Variants in TNXB observed in about 807,000 individuals in gnomAD.
TNXB encodes tenascin-X.
TNXB carries 183 observed loss-of-function variants against 340.5 expected under a neutral mutation model. The ratio of observed to expected loss-of-function variants is 0.54; its 90% CI spans 0.48 to 0.61. The LOEUF (loss-of-function observed/expected upper bound fraction) is 0.61. TNXB is among the 20% of genes least tolerant of loss of function. The pLI, the probability that TNXB is intolerant of heterozygous loss-of-function variation, is 0.00. For synonymous variants in TNXB, 2,121 were observed against 2,314.5 expected (o/e 0.92, Z 2.40); for missense variants, 4,613 against 5,446.4 (o/e 0.85, Z 4.82).
rs770049252 is a variant in TNXB, at chr6:32,052,685, C to T, written c.9100G>A (p.Ala3034Thr). Residue 3034 changes from alanine (A) to threonine (T), a missense_variant, in exon 26 of 44, where the codon GCT becomes ACT. By Grantham distance (58) the Ala-to-Thr change is moderately conservative. Coordinates refer to ENST00000644971, the MANE Select transcript of TNXB (RefSeq NM_001365276.2). This position sits in a 1 kb window ranked among gnomAD's most constrained non-coding sequence, Gnocchi z 4.7. ...ACTTACTCACCTGTCACACCCACAG[C>T]GGACACTGGGCCCACGCGCTGCCCC... is the stretch of plus-strand genomic sequence containing the variant. ...HEGQRVGPVS[A>T]VGVTAPKDEA... 26 of 1,613,214 alleles carry T rather than the reference C, an allele frequency of 1.6e-5. No individual in the cohort carries two copies. The highest frequency in any genetic ancestry group is 2.2e-5 in the East Asian group (1 of 44,854).
Position 32,087,486 on chromosome 6 carries a change from G to T in TNXB, c.2779+1299C>A. The T allele has an allele frequency of 2.0e-6, 1 of 490,612 alleles. No homozygotes were observed. 30.4% of individuals were successfully genotyped at this position (490,612 alleles called of 1,614,324 possible). A position where few individuals can be genotyped will look rare whatever the true frequency, so the allele number is the denominator to read the frequency against. On this transcript the variant is annotated intron_variant, in intron 6 of 43. Coordinates refer to ENST00000644971, the MANE Select transcript of TNXB (RefSeq NM_001365276.2). The surrounding 1 kb of genome is among the most constrained non-coding windows in gnomAD (Gnocchi z 9.0). ...GAGACACGAGAAGCGCGCCATCGGCGGAACTGCCCAGCACCTCTGGCTTGG... is the reference window on the plus strand; with the variant it reads ...GAGACACGAGAAGCGCGCCATCGGCTGAACTGCCCAGCACCTCTGGCTTGG...
chr6:32,095,471 G>A, intron 3 of TNXB, 140 bp downstream of exon 3: 7 of 1,105,020 alleles, frequency 6.3e-6, no homozygotes, highest in Non-Finnish European at 9.0e-6. Context: ...CCACCCCTGT[G>A]GTTCTGCTGC....
Position 32,053,500 on chromosome 6 carries a change from G to A in TNXB, c.8679C>T (p.His2893=), listed in dbSNP as rs1478716332. The A allele has an allele frequency of 6.2e-6, 10 of 1,613,434 alleles. 2 individuals are homozygous for A. The East Asian group carries it at 1.1e-4, about 18-fold the overall frequency. Residue 2893 remains histidine, a synonymous_variant, in exon 25 of 44, where the codon CAC becomes CAT. Transcript: ENST00000644971. ...GGCCTGAGATGGTGACCCCGTCCTC[G>A]TGCCCCGGCACCCGCACCACCTTGG... The part of the protein sequence containing the change: ...GQPKVVRVPG[H]EDGVTISGLE...
In TNXB at chr6:32,069,177, C is replaced by G. The variant is rs1265380761; in HGVS notation, c.5588-41G>C. ...AGGTAGAGACAGATGGCTGGTGTGTCGCTGCACCCAGACTCTCAGGAGGAG... is the reference window on the plus strand; with the variant it reads ...AGGTAGAGACAGATGGCTGGTGTGTGGCTGCACCCAGACTCTCAGGAGGAG... On this transcript the variant is annotated intron_variant, in intron 15 of 43. Coordinates refer to ENST00000644971, the MANE Select transcript of TNXB (RefSeq NM_001365276.2). The surrounding 1 kb of genome is among the most constrained non-coding windows in gnomAD (Gnocchi z 6.2). 6.4e-7 allele frequency: 1 copy of G among 1,556,772 alleles called. No homozygotes were observed. The highest frequency in any genetic ancestry group is 1.2e-5 in the South Asian group (1 of 85,346).
At chr6:32,088,317 T>C (rs1199165754) in intron 6 of TNXB, among the ~76,000 whole-genome samples, 1 of 151,890 alleles carries the variant, frequency 6.6e-6, no homozygotes, top group Non-Finnish European at 1.5e-5. Context: ...AAAAGAAAAA[T>C]ATCCAGGTAT....
chr6:32,093,500 G>T, intron 4 of TNXB: 1 of 666,020 alleles, frequency 1.5e-6, no homozygotes, highest in South Asian at 1.6e-5. Context: ...GAGTGAGGAT[G>T]ACAGTTCCTC....
intron 1 of TNXB, among the ~76,000 whole-genome samples, chr6:32,103,899 T>G (rs1468715714): frequency 2.0e-5 from 3 of 152,044 alleles, no homozygotes; most frequent in African/African-American, 7.2e-5. Context: ...ACCTAGCTAA[T>G]TTTTTATTTT....
chr6:32,067,610 G>A lies in TNXB; in HGVS notation c.6544+51C>T, dbSNP rs1208651167. The A allele has an allele frequency of 1.3e-6, 2 of 1,585,406 alleles. No homozygotes were observed. The highest frequency in any genetic ancestry group is 1.1e-5 in the South Asian group (1 of 88,516). On this transcript the variant is annotated intron_variant, in intron 18 of 43. Transcript: ENST00000644971. This position sits in a 1 kb window ranked among gnomAD's most constrained non-coding sequence, Gnocchi z 4.2. The stretch of plus-strand genomic sequence containing the variant: ...GGTCCCTAGTGGAGGAGATGCTGGA[G>A]GCTGTACTTTGCTAAGACCCAACCC...
chr6:32,096,376 C>G lies in TNXB; in HGVS notation c.1477G>C (p.Gly493Arg). 2 of 1,560,448 alleles carry G rather than the reference C, an allele frequency of 1.3e-6. No individual in the cohort carries two copies. The highest frequency in any genetic ancestry group is 1.7e-6 in the Non-Finnish European group (2 of 1,160,354). ...CAGTCGCCAGGACAGGCGCGCGTGC[C>G]GCAGTCCCGGCCTGTGTACCCCGGC... ...CWPGYTGRDC[G>R]TRACPGDCRG... The change falls in exon 3 of 44, where the codon GGC becomes CGC. Residue 493 changes from glycine to arginine, a missense_variant. Transcript: ENST00000644971.
At chr6:32,065,148 C>T in intron 18 of TNXB, 31 bp from the exon 19 acceptor site, 1 of 1,507,788 alleles carries the variant, frequency 6.6e-7, no homozygotes, top group South Asian at 1.3e-5. Context: ...AATCTTTTCT[C>T]TTGCTGCAAG....
chr6:32,050,537 A>G (rs1189573200), intron 26 of TNXB, among the ~76,000 whole-genome samples: 1 of 63,070 alleles, frequency 1.6e-5, no homozygotes, highest in Non-Finnish European at 3.1e-5. Context: ...CCCAACACCC[A>G]GGCCACCTCT....
At position 32,073,642 on chromosome 6, in the gene TNXB, C is replaced by T. The variant is rs1778901007; in HGVS notation, c.4681+5G>A. 1.9e-6 allele frequency: 3 copies of T among 1,604,006 alleles called. No individual in the cohort carries two copies. The highest frequency in any genetic ancestry group is 2.6e-6 in the Non-Finnish European group (3 of 1,175,204). On this transcript the variant is annotated splice_donor_5th_base_variant and intron_variant, in intron 12 of 43. Transcript: ENST00000644971. This position sits in a 1 kb window ranked among gnomAD's most constrained non-coding sequence, Gnocchi z 4.6. Reference sequence around the variant, plus strand: ...AGATGAGGACTGAGTCCCCCCATTACTCACCCGTCACGATGACCACAGACA... The same window carrying T: ...AGATGAGGACTGAGTCCCCCCATTATTCACCCGTCACGATGACCACAGACA...
At chr6:32,076,550 G>C (rs1172138549) in intron 11 of TNXB, among the ~76,000 whole-genome samples, 1 of 152,254 alleles carries the variant, frequency 6.6e-6, no homozygotes, top group Non-Finnish European at 1.5e-5. Flanking sequence ...GGGAAGGTCT[G>C]AGCAAAAGAT....
In TNXB at chr6:32,070,052, G is replaced by T. The variant is rs1288095981; in HGVS notation, c.5278+75C>A. Reference sequence around the variant, plus strand: ...TGGCTGGGGCCAAATAATGGTAATGGCAGCCACCACAAGTGACCGTCTGCT... The same window carrying T: ...TGGCTGGGGCCAAATAATGGTAATGTCAGCCACCACAAGTGACCGTCTGCT... On this transcript the variant is annotated intron_variant, in intron 14 of 43. Coordinates refer to ENST00000644971, the MANE Select transcript of TNXB (RefSeq NM_001365276.2). The surrounding 1 kb of genome is among the most constrained non-coding windows in gnomAD (Gnocchi z 6.0). 4.8e-6 allele frequency: 7 copies of T among 1,455,092 alleles called. No individual in the cohort carries two copies. Among genetic ancestry groups the T allele is most frequent in the Non-Finnish European group, 5.4e-6 (6 of 1,105,788 alleles). 90.1% of individuals were successfully genotyped at this position (1,455,092 alleles called of 1,614,324 possible).
chr6:32,070,155 A>G lies in TNXB; in HGVS notation c.5250T>C (p.His1750=). The G allele has an allele frequency of 6.3e-7, 1 of 1,595,846 alleles. No homozygotes were observed. The highest frequency in any genetic ancestry group is 8.6e-7 in the Non-Finnish European group (1 of 1,169,162). Residue 1750 remains histidine, a synonymous_variant, in exon 14 of 44, where the codon CAT becomes CAC. Coordinates refer to ENST00000644971, the MANE Select transcript of TNXB (RefSeq NM_001365276.2). The surrounding 1 kb of genome is among the most constrained non-coding windows in gnomAD (Gnocchi z 6.0). ...TGGTGCCGTCGGCAGTGAGAGGGCCATGGCGCTTCTTGCCCAGGAGGCCAT... is the reference window on the plus strand; with the variant it reads ...TGGTGCCGTCGGCAGTGAGAGGGCCGTGGCGCTTCTTGCCCAGGAGGCCAT... ...LLYGLLGKKR[H]GPLTADGTTE...
Position 32,080,910 on chromosome 6 carries a change from T to A in TNXB, c.4042+458A>T, listed in dbSNP as rs1779389521. Among the ~76,000 whole-genome samples the A allele has an allele frequency of 6.6e-6, 1 of 152,134 alleles. No homozygotes were observed. Among genetic ancestry groups the A allele is most frequent in the Non-Finnish European group, 1.5e-5 (1 of 68,040 alleles). ...CAAAAAGGCTAGAGAAACGTGGTGC[T>A]CTTGTCACTTGGATCTGCCACCTCT... On this transcript the variant is annotated intron_variant, in intron 10 of 43. Transcript: ENST00000644971. The surrounding 1 kb of genome is among the most constrained non-coding windows in gnomAD (Gnocchi z 4.3).
chr6:32,056,069 T>G lies in TNXB; in HGVS notation c.8249A>C (p.Asp2750Ala). The G allele has an allele frequency of 6.2e-7, 1 of 1,612,384 alleles. No homozygotes were observed. Among genetic ancestry groups the G allele is most frequent in the Non-Finnish European group, 8.5e-7 (1 of 1,179,754 alleles). The change falls in exon 24 of 44, where the codon GAC becomes GCC. Residue 2750 changes from aspartate (D) to alanine (A), a missense_variant. Asp to Ala is a moderately radical substitution (Grantham distance 126). Around this residue, in one of 7 missense-constraint regions of TNXB, gnomAD observed 4,327 missense variants for 4,859.4 expected, o/e 0.89. Transcript: ENST00000644971. Reference sequence around the variant, plus strand: ...GATGGTCCAGGAGAGGCTCAGCGAGTCAGGGGAGGATCCTGTCACTGTCAG... The same window carrying G: ...GATGGTCCAGGAGAGGCTCAGCGAGGCAGGGGAGGATCCTGTCACTGTCAG... ...GELTVTGSSP[D>A]SLSLSWTIPQ...
intron 22 of TNXB, 37 bp from the exon 23 acceptor site, chr6:32,056,940 C>T: frequency 4.4e-6 from 7 of 1,602,342 alleles, no homozygotes; most frequent in Non-Finnish European, 6.0e-6. Flanking sequence ...ACAGTGAGGT[C>T]CCTGGCTCCT....
rs755953436 is a variant in TNXB, at chr6:32,079,111, C to T, written c.4297G>A (p.Gly1433Arg). ...TACAGGTGCATCTTGTACTTGTGCC[C>T]GGGCTCTAGGCCTCCCACGGTGACC... Reference protein sequence around the residue: ...SEVTVGGLEPGHKYKMHLYGL... With the variant: ...SEVTVGGLEPRHKYKMHLYGL... Residue 1433 changes from glycine (G) to arginine (R), a missense_variant, in exon 11 of 44, where the codon GGG (glycine) becomes AGG (arginine). By Grantham distance (125) the Gly-to-Arg change is moderately radical. This residue lies in a region of TNXB where 4,327 missense variants were observed against 4,859.4 expected (regional missense o/e 0.89). Transcript: ENST00000644971. The surrounding 1 kb of genome is among the most constrained non-coding windows in gnomAD (Gnocchi z 7.1). 1.8e-5 allele frequency: 29 copies of T among 1,613,666 alleles called. No individual in the cohort carries two copies. Among genetic ancestry groups the T allele is most frequent in the Admixed American group, 3.3e-5 (2 of 60,002 alleles).
Sources: gnomAD v4.1 joint callset for allele counts (sites outside exome capture counted in the v4.1 genomes callset) on GRCh38, gnomAD v4.1.1 for gene constraint, gnomAD v4.1.1 regional missense constraint, Gnocchi (gnomAD v3.1) non-coding constraint, MANE v1.5 for transcripts, NCBI Gene and HGNC (gene_info 2026-07-23, HGNC 2026-07-21) for gene names.